Variants in MBOAT2 observed in about 807,000 individuals in gnomAD.
MBOAT2 encodes the protein membrane-bound glycerophospholipid O-acyltransferase 2.
In MBOAT2, 28 loss-of-function variants were observed where a neutral mutation model predicts 63.4. The ratio of observed to expected loss-of-function variants is 0.44; its 90% CI spans 0.33 to 0.61. MBOAT2 has a LOEUF of 0.61. MBOAT2 is among the 20% of genes least tolerant of loss of function. MBOAT2 has a pLI of 0.03. For missense variants in MBOAT2, 470 were observed against 605.8 expected (o/e 0.78, Z 2.35); for synonymous variants, 211 against 215.6 (o/e 0.98, Z 0.19).
At chr2:8,910,287 G>T (rs1665625503) in intron 3 of MBOAT2, among the ~76,000 whole-genome samples, 1 of 152,082 alleles carries the variant, frequency 6.6e-6, no homozygotes, top group Admixed American at 6.6e-5. Flanking sequence ...AAGGAAGGAA[G>T]GAAAGAGGGG....
intron 1 of MBOAT2, among the ~76,000 whole-genome samples, chr2:8,994,589 T>C (rs1040803008): frequency 6.6e-6 from 1 of 152,292 alleles, no homozygotes; most frequent in East Asian, 1.9e-4. Context: ...ACTGGCCTCA[T>C]GACATAAATG....
chr2:8,894,285 C>G (rs1664256931), intron 4 of MBOAT2, among the ~76,000 whole-genome samples: 1 of 152,162 alleles, frequency 6.6e-6, no homozygotes, highest in African/African-American at 2.4e-5. Flanking sequence ...GGGTGGGGAA[C>G]AGACAAAGCA....
chr2:8,912,355 A>G (rs867556094), intron 3 of MBOAT2, among the ~76,000 whole-genome samples: 2,017 of 93,376 alleles, frequency 0.022, 68 homozygotes, highest in African/African-American at 0.064. Flanking sequence ...AAGAAAGAGA[A>G]AGAAAGAAAG....
chr2:8,858,231 C>T lies in MBOAT2; in HGVS notation c.*448G>A, dbSNP rs560413663. On this transcript the variant is annotated 3_prime_UTR_variant, in exon 13 of 13. Coordinates refer to ENST00000305997, the MANE Select transcript of MBOAT2 (RefSeq NM_138799.4). ...CACACAACATCAACTACTGCAGTAG[C>T]GTTCTCACAATATTACACTTGAAAA... 1.3e-5 allele frequency: 2 copies of T among 155,482 alleles called. No homozygotes were observed. Among genetic ancestry groups the T allele is most frequent in the Admixed American group, 6.3e-5 (1 of 15,750 alleles). The allele number at this position is 155,482 out of a possible 1,614,324, so 9.6% of individuals were successfully genotyped here.
Position 8,943,250 on chromosome 2 carries a change from A to C in MBOAT2, c.236T>G (p.Phe79Cys). The change falls in exon 3 of 13, where the codon TTT becomes TGT. Residue 79 changes from phenylalanine (F) to cysteine (C), a missense_variant. Transcript: ENST00000305997. ...GTAGGAAATTCCACTTTGTACAAGA[A>C]AGTGTAAGGCATACCTATAAAAAGT... ...LFCFGWYALH[F>C]LVQSGISYCI... The C allele has an allele frequency of 6.3e-7, 1 of 1,582,742 alleles. No homozygotes were observed. Among genetic ancestry groups the C allele is most frequent in the Non-Finnish European group, 8.6e-7 (1 of 1,160,068 alleles).
At chr2:9,002,056 C>T (rs987536004) in intron 1 of MBOAT2, among the ~76,000 whole-genome samples, 8 of 150,094 alleles carry the variant, frequency 5.3e-5, no homozygotes, top group African/African-American at 2.0e-4. Flanking sequence ...ATACACTGCA[C>T]ACCAGTGTGG....
intron 2 of MBOAT2, among the ~76,000 whole-genome samples, chr2:8,954,378 G>A (rs1033835357): frequency 6.6e-6 from 1 of 152,088 alleles, no homozygotes; most frequent in Non-Finnish European, 1.5e-5. Context: ...AGTGGTCTGA[G>A]CTCCCTGCTC....
At chr2:8,934,077 T>C (rs1667502559) in intron 3 of MBOAT2, among the ~76,000 whole-genome samples, 2 of 152,234 alleles carry the variant, frequency 1.3e-5, no homozygotes, top group Admixed American at 6.5e-5. Context: ...TGAAAATCTT[T>C]CAGAAATCCA....
Position 8,877,066 on chromosome 2 carries a change from T to C in MBOAT2, c.654A>G (p.Glu218=). 6.2e-7 allele frequency: 1 copy of C among 1,613,698 alleles called. No individual in the cohort carries two copies. The highest frequency in any genetic ancestry group is 8.5e-7 in the Non-Finnish European group (1 of 1,179,878). The change falls in exon 7 of 13, where the codon GAA becomes GAG. Residue 218 remains glutamate (E), a synonymous_variant. Coordinates refer to ENST00000305997, the MANE Select transcript of MBOAT2 (RefSeq NM_138799.4). Reference sequence around the variant, plus strand: ...GCTCTGTTCTTTCATACTGTGTCTCTTCTTTTCCATTTTCACCAGATTGTG... The same window carrying C: ...GCTCTGTTCTTTCATACTGTGTCTCCTCTTTTCCATTTTCACCAGATTGTG... ...HITQSGENGK[E]ETQYERTEPS... is the part of the protein sequence containing the mutation.
At chr2:8,933,809 T>C (rs1667484298) in intron 3 of MBOAT2, among the ~76,000 whole-genome samples, 1 of 152,128 alleles carries the variant, frequency 6.6e-6, no homozygotes, top group South Asian at 2.1e-4. Flanking sequence ...CAAAAACGTG[T>C]ATTAGTCTTA....
chr2:8,867,365 C>G (rs905191657), intron 9 of MBOAT2, among the ~76,000 whole-genome samples: 3 of 152,132 alleles, frequency 2.0e-5, no homozygotes, highest in African/African-American at 7.2e-5. Flanking sequence ...CTTTGCCCAG[C>G]CTCTCAGTAC....
chr2:8,965,086 T>C (rs1356768972), intron 1 of MBOAT2, among the ~76,000 whole-genome samples: 2 of 152,214 alleles, frequency 1.3e-5, no homozygotes, highest in South Asian at 2.1e-4. Context: ...TTTTTATTTT[T>C]GCAGTATACA....
At chr2:8,877,264 A>T in intron 6 of MBOAT2, 51 bp from the exon 7 acceptor site, 1 of 1,521,388 alleles carries the variant, frequency 6.6e-7, no homozygotes, top group Non-Finnish European at 8.9e-7. Flanking sequence ...GCTTCAGAAC[A>T]TCTGATAGAA....
intron 5 of MBOAT2, among the ~76,000 whole-genome samples, chr2:8,887,148 T>G (rs974092709): frequency 3.3e-5 from 5 of 152,238 alleles, no homozygotes; most frequent in African/African-American, 1.2e-4. Context: ...CCCTCCTGTA[T>G]GCAGAATTTT....
At position 8,897,035 on chromosome 2, in the gene MBOAT2, T is replaced by C. The variant is rs562426135; in HGVS notation, c.396-8962A>G. ...GTGGTATTGGAGTGTTACAGGGTTATAGAGAAGACCTTCAATTATCAATTA... is the reference window on the plus strand; with the variant it reads ...GTGGTATTGGAGTGTTACAGGGTTACAGAGAAGACCTTCAATTATCAATTA... On this transcript the variant is annotated intron_variant, in intron 4 of 12. Coordinates refer to ENST00000305997, the MANE Select transcript of MBOAT2 (RefSeq NM_138799.4). Among the ~76,000 whole-genome samples, 22 of 152,384 alleles carry C rather than the reference T, an allele frequency of 1.4e-4. No homozygotes were observed. The East Asian group carries it at 3.9e-3, about 27-fold the overall frequency.
chr2:8,961,986 G>A (rs1331552402), intron 1 of MBOAT2, among the ~76,000 whole-genome samples: 3 of 151,978 alleles, frequency 2.0e-5, no homozygotes, highest in African/African-American at 7.2e-5. Flanking sequence ...CCTCCAGAGG[G>A]GACTGTCCTG....
chr2:8,864,121 A>G (rs766407271), intron 10 of MBOAT2, 49 bp downstream of exon 10: 6 of 1,324,412 alleles, frequency 4.5e-6, no homozygotes. Flanking sequence ...CTCAACCTCG[A>G]GAACTAGACG....
chr2:8,990,105 C>T (rs1219466784), intron 1 of MBOAT2, among the ~76,000 whole-genome samples: 2 of 152,188 alleles, frequency 1.3e-5, no homozygotes, highest in East Asian at 1.9e-4. Flanking sequence ...CCTGCCAACT[C>T]GACCCTCTGC....
intron 3 of MBOAT2, among the ~76,000 whole-genome samples, chr2:8,938,759 C>T (rs1373750936): frequency 2.0e-5 from 3 of 151,842 alleles, no homozygotes; most frequent in African/African-American, 4.8e-5. Flanking sequence ...ACATTTCATG[C>T]CGTGTTTCAT....
Sources: allele counts gnomAD v4.1 joint callset (sites outside exome capture counted in the v4.1 genomes callset), GRCh38; gene constraint gnomAD v4.1.1; transcripts MANE v1.5; gene names NCBI Gene and HGNC (gene_info 2026-07-23, HGNC 2026-07-21).